The following UTP18 variants were observed in gnomAD, a reference collection of about 807,000 sequenced individuals.
The protein encoded by UTP18 is U3 small nucleolar RNA-associated protein 18 homolog.
UTP18 carries 36 observed loss-of-function variants against 61.1 expected under a neutral mutation model. The ratio of observed to expected loss-of-function variants is 0.59; its 90% CI spans 0.45 to 0.78. The LOEUF (loss-of-function observed/expected upper bound fraction) is 0.78, where lower values mean the gene tolerates loss of function less well. UTP18 is among the 30% of genes least tolerant of loss of function. The pLI, the probability that UTP18 is intolerant of heterozygous loss-of-function variation, is 0.00. For synonymous variants in UTP18, 282 were observed against 251.1 expected (o/e 1.12, Z -1.16); for missense variants, 753 against 693.9 (o/e 1.09, Z -0.96).
At chr17:51,281,721 T>G (rs1312597608) in intron 9 of UTP18, among the ~76,000 whole-genome samples, 1 of 152,094 alleles carries the variant, frequency 6.6e-6, no homozygotes, top group South Asian at 2.1e-4. Context: ...ATGTTAACAT[T>G]GGGGGGGAAC....
At chr17:51,286,411 T>G in intron 10 of UTP18, 1 of 448,738 alleles carries the variant, frequency 2.2e-6, no homozygotes, top group Non-Finnish European at 4.5e-6. Context: ...CTCCCTGGGA[T>G]GGGAAGTCAA....
At chr17:51,262,690 C>CA (rs1203004533) in intron 1 of UTP18, among the ~76,000 whole-genome samples, 2 of 151,984 alleles carry the variant, frequency 1.3e-5, no homozygotes, top group Non-Finnish European at 2.9e-5. Flanking sequence ...TAGCTGGGGC[C>CA]ACAGGTGCAC....
rs143657721 is a variant in UTP18 at position 51,294,042 on chromosome 17, A to G, written c.1643A>G (p.Tyr548Cys). Reference protein sequence around the residue: ...LGNEKGKALMYRLHHYSDF With the variant: ...LGNEKGKALMCRLHHYSDF Reference sequence around the variant, plus strand: ...AATGAAAAGGGCAAGGCCCTGATGTATAGGTAGGTATTATTTATGTTTAAA... The same window carrying G: ...AATGAAAAGGGCAAGGCCCTGATGTGTAGGTAGGTATTATTTATGTTTAAA... Residue 548 changes from tyrosine (Y) to cysteine (C), a missense_variant, in exon 12 of 14, where the codon TAT becomes TGT. Tyr to Cys is a radical substitution (Grantham distance 194, BLOSUM62 -2). Coordinates refer to ENST00000225298, the MANE Select transcript of UTP18 (RefSeq NM_016001.3). The G allele has an allele frequency of 1.5e-5, 23 of 1,585,670 alleles. No homozygotes were observed. The highest frequency in any genetic ancestry group is 1.1e-4 in the East Asian group (5 of 44,126).
chr17:51,281,689 T>C (rs1904931630), intron 9 of UTP18, among the ~76,000 whole-genome samples: 1 of 152,138 alleles, frequency 6.6e-6, no homozygotes. Flanking sequence ...CTGGTTGTAA[T>C]GTTGTCCTGT....
chr17:51,278,554 A>G (rs1016574273), intron 7 of UTP18, among the ~76,000 whole-genome samples: 2 of 152,122 alleles, frequency 1.3e-5, no homozygotes, highest in Admixed American at 1.3e-4. Flanking sequence ...CCAGTCACCA[A>G]CTGCTTTGGA....
At chr17:51,290,709 A>C (rs112137478) in intron 11 of UTP18, among the ~76,000 whole-genome samples, 1 of 152,222 alleles carries the variant, frequency 6.6e-6, no homozygotes, top group Non-Finnish European at 1.5e-5. Flanking sequence ...AGTGATCATG[A>C]CAGCATTTAT....
At chr17:51,274,577 G>A (rs1904650648) in intron 5 of UTP18, among the ~76,000 whole-genome samples, 1 of 152,000 alleles carries the variant, frequency 6.6e-6, no homozygotes, top group African/African-American at 2.4e-5. Context: ...AAGTAGCTGG[G>A]ATTACAGGCA....
chr17:51,294,847 C>T (rs1905323152), intron 12 of UTP18, among the ~76,000 whole-genome samples: 1 of 152,130 alleles, frequency 6.6e-6, no homozygotes, highest in Non-Finnish European at 1.5e-5. Flanking sequence ...TATTTCTCCA[C>T]ATCCTCTCCA....
At chr17:51,263,738 T>G (rs183790359) in intron 2 of UTP18, among the ~76,000 whole-genome samples, 116 of 152,318 alleles carry the variant, frequency 7.6e-4, no homozygotes, top group African/African-American at 2.0e-3. Flanking sequence ...TGATAGTAAC[T>G]ACATCAGAAT....
chr17:51,272,508 G>C (rs1904561495), intron 4 of UTP18, among the ~76,000 whole-genome samples: 1 of 151,914 alleles, frequency 6.6e-6, no homozygotes, highest in African/African-American at 2.4e-5. Context: ...GTCAATATTT[G>C]CCTGGTTATA....
intron 11 of UTP18, among the ~76,000 whole-genome samples, 190 bp downstream of exon 11, chr17:51,288,393 T>C (rs1905167210): frequency 6.6e-6 from 1 of 152,260 alleles, no homozygotes; most frequent in Non-Finnish European, 1.5e-5. Context: ...CATTTGATTA[T>C]GTCACTTCTT....
At chr17:51,286,380 T>C (rs1343590334) in intron 10 of UTP18, 1 of 429,968 alleles carries the variant, frequency 2.3e-6, no homozygotes, top group Non-Finnish European at 4.7e-6. Context: ...AATTGAGCCA[T>C]GAAATGATTT....
chr17:51,267,331 T>G lies in UTP18; in HGVS notation c.554+1051T>G, dbSNP rs543657536. On this transcript the variant is annotated intron_variant, in intron 3 of 13. Coordinates refer to ENST00000225298, the MANE Select transcript of UTP18 (RefSeq NM_016001.3). ...ATCCCACATTCTGACATTTTAAGAC[T>G]CCTGTTTTTTATTGAGGTGAAATTC... Among the ~76,000 whole-genome samples the G allele has an allele frequency of 9.2e-5, 14 of 152,318 alleles. No individual in the cohort carries two copies. In the South Asian group the frequency reaches 1.0e-3, roughly 11 times the overall value.
At chr17:51,268,985 C>G (rs1904407387) in intron 4 of UTP18, 81 bp downstream of exon 4, 1 of 1,418,642 alleles carries the variant, frequency 7.0e-7, no homozygotes, top group South Asian at 1.2e-5. Flanking sequence ...TTATGAGGCT[C>G]ATTAAAACCT....
intron 9 of UTP18, among the ~76,000 whole-genome samples, chr17:51,282,849 T>TTTC (rs1180343570): frequency 5.7e-5 from 8 of 139,218 alleles, no homozygotes; most frequent in African/African-American, 2.3e-4. Flanking sequence ...TCTTCCTCCT[T>TTTC]TTCTTCTTCT....
intron 2 of UTP18, 45 bp downstream of exon 2, chr17:51,263,431 A>G (rs778823120): frequency 7.2e-7 from 1 of 1,393,484 alleles, no homozygotes; most frequent in Non-Finnish European, 9.9e-7. Flanking sequence ...TACACTTAAA[A>G]AAGTTATTTT....
At position 51,280,391 on chromosome 17, in the gene UTP18, C is replaced by G; in HGVS notation, c.1116C>G (p.Thr372=). 6.2e-7 allele frequency: 1 copy of G among 1,613,778 alleles called. No individual in the cohort carries two copies. ...AGYLHLLAMK[T]KELIGSMKIN... ...ATAAATAATATTTATTGTTTTAGAC[C>G]AAAGAACTGATTGGAAGCATGAAAA... Residue 372 remains threonine (T), a splice_region_variant and synonymous_variant, in exon 9 of 14, where the codon ACC becomes ACG. Transcript: ENST00000225298.
At chr17:51,294,132 A>AATTT in intron 12 of UTP18, 87 bp downstream of exon 12, 2 of 1,158,812 alleles carry the variant, frequency 1.7e-6, no homozygotes, top group Non-Finnish European at 2.3e-6. Flanking sequence ...CTAATTCTAC[A>AATTT]GTTAATAAAT....
chr17:51,280,408 G>T lies in UTP18; in HGVS notation c.1133G>T (p.Ser378Ile), dbSNP rs749736401. The change falls in exon 9 of 14, where the codon AGC (serine) becomes ATC (isoleucine). Residue 378 changes from serine to isoleucine, a missense_variant. Coordinates refer to ENST00000225298, the MANE Select transcript of UTP18 (RefSeq NM_016001.3). ...TTTTAGACCAAAGAACTGATTGGAA[G>T]CATGAAAATTAATGGAAGGGTTGCA... ...LAMKTKELIG[S>I]MKINGRVAAS... The T allele has an allele frequency of 6.2e-7, 1 of 1,614,116 alleles. No individual in the cohort carries two copies. Among genetic ancestry groups the T allele is most frequent in the Non-Finnish European group, 8.5e-7 (1 of 1,179,992 alleles).
Sources: allele counts gnomAD v4.1 joint callset (sites outside exome capture counted in the v4.1 genomes callset), GRCh38; gene constraint gnomAD v4.1.1; transcripts MANE v1.5; gene names NCBI Gene and HGNC (gene_info 2026-07-23, HGNC 2026-07-21).